ST8SIA4: variants seen among roughly 807,000 people sequenced by gnomAD.
The protein encoded by ST8SIA4 is CMP-N-acetylneuraminate-poly-alpha-2,8-sialyltransferase.
ST8SIA4 carries 15 observed loss-of-function variants against 33.9 expected under a neutral mutation model. The ratio of observed to expected loss-of-function variants is 0.44; its 90% CI spans 0.30 to 0.68. The LOEUF is 0.68. ST8SIA4 is among the 30% of genes least tolerant of loss of function. ST8SIA4 has a pLI of 0.10. For missense variants in ST8SIA4, 321 were observed against 428.0 expected (o/e 0.75, Z 2.21); for synonymous variants, 171 against 151.2 (o/e 1.13, Z -0.96).
chr5:100,885,289 C>A (rs1325823684), intron 3 of ST8SIA4: 1 of 864,132 alleles, frequency 1.2e-6, no homozygotes, highest in African/African-American at 1.8e-5. Flanking sequence ...ACCCTTCACC[C>A]AAGAGAGAAA....
At chr5:100,812,660 T>C (rs949786908) in intron 4 of ST8SIA4, among the ~76,000 whole-genome samples, 1 of 152,146 alleles carries the variant, frequency 6.6e-6, no homozygotes, top group Non-Finnish European at 1.5e-5. Flanking sequence ...TAAAGCAAAT[T>C]AGAAGCCTCA....
intron 1 of ST8SIA4, chr5:100,900,555 C>G (rs1345333834): frequency 1.8e-5 from 8 of 453,608 alleles, no homozygotes; most frequent in Admixed American, 4.7e-5. Flanking sequence ...GCTCAGGGAG[C>G]CTAGCTGCCC....
intron 4 of ST8SIA4, among the ~76,000 whole-genome samples, chr5:100,838,646 AG>A (rs57849386): frequency 0.23 from 35,205 of 151,820 alleles, 5,111 homozygotes; most frequent in Non-Finnish European, 0.32. Context: ...TCAAATTAAA[AG>A]TCACTATATT....
intron 3 of ST8SIA4, chr5:100,885,471 A>C: frequency 1.1e-6 from 1 of 939,236 alleles, no homozygotes; most frequent in Non-Finnish European, 1.3e-6. Flanking sequence ...ATATTCAAAA[A>C]TAATGTATTC....
At chr5:100,893,209 T>C (rs1752710655) in intron 2 of ST8SIA4, among the ~76,000 whole-genome samples, 1 of 152,130 alleles carries the variant, frequency 6.6e-6, no homozygotes, top group Non-Finnish European at 1.5e-5. Context: ...TTGCAAAAGC[T>C]AAGCCAACAG....
intron 3 of ST8SIA4, among the ~76,000 whole-genome samples, chr5:100,860,616 A>G (rs1751915919): frequency 6.6e-6 from 1 of 152,214 alleles, no homozygotes; most frequent in South Asian, 2.1e-4. Flanking sequence ...AAGTAGTATC[A>G]ACTTCACTTT....
At chr5:100,828,020 A>C (rs1751178650) in intron 4 of ST8SIA4, among the ~76,000 whole-genome samples, 1 of 152,244 alleles carries the variant, frequency 6.6e-6, no homozygotes. Flanking sequence ...ATGCATATAC[A>C]GAATGTATAT....
intron 3 of ST8SIA4, among the ~76,000 whole-genome samples, chr5:100,880,288 A>C (rs941947754): frequency 1.3e-5 from 2 of 152,202 alleles, no homozygotes; most frequent in African/African-American, 4.8e-5. Flanking sequence ...AAATAAATAA[A>C]CATACAATGC....
intron 3 of ST8SIA4, among the ~76,000 whole-genome samples, chr5:100,861,571 C>T (rs535693797): frequency 5.9e-5 from 9 of 151,966 alleles, no homozygotes; most frequent in Non-Finnish European, 1.3e-4. Context: ...GGAAGCGTGC[C>T]AAGGAAAAAT....
chr5:100,882,544 A>G (rs1752448500), intron 3 of ST8SIA4, among the ~76,000 whole-genome samples: 1 of 152,254 alleles, frequency 6.6e-6, no homozygotes, highest in Non-Finnish European at 1.5e-5. Flanking sequence ...TTTCATAAGT[A>G]ACAAGGAGCA....
chr5:100,867,275 T>C (rs911216612), intron 3 of ST8SIA4, among the ~76,000 whole-genome samples: 3 of 152,076 alleles, frequency 2.0e-5, no homozygotes, highest in South Asian at 2.1e-4. Flanking sequence ...AAATTAGAGA[T>C]TGGAGAACCA....
chr5:100,847,449 T>G (rs1278148036), intron 4 of ST8SIA4, among the ~76,000 whole-genome samples: 1 of 152,106 alleles, frequency 6.6e-6, no homozygotes, highest in Admixed American at 6.6e-5. Flanking sequence ...GACATTCACA[T>G]GAAGTTATCC....
At chr5:100,816,691 A>G (rs1249783731) in intron 4 of ST8SIA4, 7 of 452,744 alleles carry the variant, frequency 1.5e-5, no homozygotes, top group Non-Finnish European at 2.2e-5. Context: ...ATGTTATATT[A>G]TAAGCAAAGT....
intron 4 of ST8SIA4, chr5:100,849,468 C>A (rs541020845): frequency 1.0e-6 from 1 of 984,964 alleles, no homozygotes; most frequent in East Asian, 1.1e-4. Context: ...CTGCAAAATA[C>A]ATATGTGAGC....
At chr5:100,870,000 C>T (rs1245013034) in intron 3 of ST8SIA4, among the ~76,000 whole-genome samples, 3 of 152,148 alleles carry the variant, frequency 2.0e-5, no homozygotes. Flanking sequence ...CTCCCACCTC[C>T]CCCACCCCAC....
At chr5:100,829,066 A>G (rs1029642155) in intron 4 of ST8SIA4, among the ~76,000 whole-genome samples, 7 of 152,230 alleles carry the variant, frequency 4.6e-5, no homozygotes, top group African/African-American at 1.7e-4. Flanking sequence ...CGCAAGTCAC[A>G]TATCTTTACC....
intron 1 of ST8SIA4, among the ~76,000 whole-genome samples, chr5:100,898,460 AT>A (rs1752827568): frequency 6.6e-6 from 1 of 152,242 alleles, no homozygotes; most frequent in Non-Finnish European, 1.5e-5. Context: ...TGTTCTATGA[AT>A]AAAATGCTAC....
At chr5:100,876,845 A>G (rs901920522) in intron 3 of ST8SIA4, among the ~76,000 whole-genome samples, 2 of 151,816 alleles carry the variant, frequency 1.3e-5, no homozygotes, top group Non-Finnish European at 1.5e-5. Flanking sequence ...GCTTTAATTT[A>G]TTTTCCTATT....
At chr5:100,852,993 C>T (rs901787941) in intron 4 of ST8SIA4, among the ~76,000 whole-genome samples, 39 of 152,250 alleles carry the variant, frequency 2.6e-4, no homozygotes, top group African/African-American at 9.4e-4. Flanking sequence ...AATTCTGTGT[C>T]TTGGGTGCTT....
Sources: allele counts gnomAD v4.1 joint callset (sites outside exome capture counted in the v4.1 genomes callset), GRCh38; gene constraint gnomAD v4.1.1; transcripts MANE v1.5; gene names NCBI Gene and HGNC (gene_info 2026-07-23, HGNC 2026-07-21).